Variants in TMTC1 observed in about 807,000 individuals in gnomAD.
TMTC1 encodes the protein transmembrane O-mannosyltransferase targeting cadherins 1, also known as protein O-mannosyl-transferase TMTC1.
TMTC1 carries 73 observed loss-of-function variants against 104.8 expected under a neutral mutation model. That is an observed-to-expected ratio of 0.70 (90% CI 0.58 to 0.85). TMTC1 has a LOEUF of 0.85. TMTC1 is among the 40% of genes least tolerant of loss of function. TMTC1 has a pLI of 0.00. For synonymous variants in TMTC1, 434 were observed against 428.7 expected, an observed-to-expected ratio of 1.01 and a Z score of -0.15; for missense variants, 1,035 against 1,096.1, an observed-to-expected ratio of 0.94 and a Z score of 0.79.
chr12:29,599,906 G>A (rs1339336012), intron 7 of TMTC1, among the ~76,000 whole-genome samples: 3 of 144,128 alleles, frequency 2.1e-5, no homozygotes, highest in African/African-American at 8.4e-5. Flanking sequence ...ATATACATGT[G>A]TATATATATG....
At chr12:29,688,730 T>C (rs183194773) in intron 5 of TMTC1, among the ~76,000 whole-genome samples, 5 of 152,320 alleles carry the variant, frequency 3.3e-5, no homozygotes, top group Admixed American at 2.6e-4. Flanking sequence ...GTGTACCCAT[T>C]TCATAGAGCA....
chr12:29,518,898 G>T, intron 12 of TMTC1, among the ~76,000 whole-genome samples: 1 of 152,060 alleles, frequency 6.6e-6, no homozygotes. Flanking sequence ...TCTGGTCATC[G>T]CTCTTGCTAA....
At chr12:29,665,427 A>C (rs1225017959) in intron 5 of TMTC1, among the ~76,000 whole-genome samples, 1 of 152,132 alleles carries the variant, frequency 6.6e-6, no homozygotes, top group African/African-American at 2.4e-5. Context: ...CACATCCACC[A>C]TCCCAGTATA....
intron 6 of TMTC1, among the ~76,000 whole-genome samples, chr12:29,621,210 A>T (rs1473608169): frequency 1.3e-5 from 2 of 152,226 alleles, no homozygotes; most frequent in African/African-American, 4.8e-5. Context: ...CCCCAAGTTC[A>T]ATTTTATTTT....
In TMTC1 at chr12:29,514,611, A is replaced by G; in HGVS notation, c.2308-7T>C. The G allele has an allele frequency of 6.2e-7, 1 of 1,603,696 alleles. No homozygotes were observed. On this transcript the variant is annotated splice_polypyrimidine_tract_variant and splice_region_variant and intron_variant, in intron 15 of 17. Transcript: ENST00000539277. Reference sequence around the variant, plus strand: ...TGTCTATAGCATCAAGTGCCTGCAGAGGTTGGAAATTAAGACAGAATAAAT... The same window carrying G: ...TGTCTATAGCATCAAGTGCCTGCAGGGGTTGGAAATTAAGACAGAATAAAT...
intron 7 of TMTC1, among the ~76,000 whole-genome samples, chr12:29,589,031 A>G (rs2350532): frequency 0.23 from 35,452 of 152,086 alleles, 4,348 homozygotes; most frequent in East Asian, 0.43. Flanking sequence ...TCTGTTCCTA[A>G]GCAGTTAGCT....
chr12:29,777,556 A>G (rs989066061), intron 1 of TMTC1, among the ~76,000 whole-genome samples: 15 of 152,168 alleles, frequency 9.9e-5, no homozygotes, highest in African/African-American at 1.7e-4. Context: ...AAAAACCCTC[A>G]TGAGTCCAAA....
At chr12:29,763,568 T>C (rs767223526) in intron 2 of TMTC1, among the ~76,000 whole-genome samples, 1 of 152,094 alleles carries the variant, frequency 6.6e-6, no homozygotes, top group African/African-American at 2.4e-5. Flanking sequence ...TAACATCTGG[T>C]GGGGAGTCAA....
chr12:29,730,648 G>A (rs914135564), intron 5 of TMTC1, among the ~76,000 whole-genome samples: 1 of 152,128 alleles, frequency 6.6e-6, no homozygotes, highest in African/African-American at 2.4e-5. Flanking sequence ...CGAGCACTAA[G>A]ACAATTTAAT....
rs185898512 is a variant in TMTC1, at chr12:29,692,547, G to A, written c.938+59119C>T. 1.6e-3 allele frequency among the ~76,000 whole-genome samples: 231 copies of A among 145,274 alleles called. 32 individuals carry two copies. The highest frequency in any genetic ancestry group is 3.0e-3 in the Non-Finnish European group (200 of 66,244). ...AAACTGGAACCTTTATACATTACTG[G>A]TAGGATATGTCAACTGGTACAAGCA... On this transcript the variant is annotated intron_variant, in intron 5 of 17. Coordinates refer to ENST00000539277, the MANE Select transcript of TMTC1 (RefSeq NM_001193451.2).
chr12:29,699,741 C>T (rs1941531009), intron 5 of TMTC1, among the ~76,000 whole-genome samples: 1 of 149,718 alleles, frequency 6.7e-6, no homozygotes, highest in Non-Finnish European at 1.5e-5. Context: ...CAGCATCGAC[C>T]TCCCGGGCTC....
At chr12:29,722,548 A>G (rs369001051) in intron 5 of TMTC1, among the ~76,000 whole-genome samples, 26 of 152,312 alleles carry the variant, frequency 1.7e-4, no homozygotes, top group East Asian at 1.4e-3. Context: ...ATAAAGGTTA[A>G]AAAGAAAGAA....
intron 6 of TMTC1, among the ~76,000 whole-genome samples, chr12:29,621,366 T>C (rs1249238603): frequency 6.6e-6 from 1 of 152,248 alleles, no homozygotes; most frequent in East Asian, 1.9e-4. Context: ...AGCAAGTGTG[T>C]TCAGTTCAAC....
intron 8 of TMTC1, 117 bp from the exon 9 acceptor site, chr12:29,572,335 C>T (rs1286598421): frequency 5.7e-6 from 5 of 872,236 alleles, no homozygotes; most frequent in Middle Eastern, 3.5e-4. Flanking sequence ...TATTCTAAAA[C>T]AAGGCATTGT....
intron 5 of TMTC1, among the ~76,000 whole-genome samples, chr12:29,683,346 A>G (rs989519079): frequency 2.0e-5 from 3 of 152,234 alleles, no homozygotes; most frequent in Admixed American, 1.3e-4. Flanking sequence ...CTCTTCCCAA[A>G]AAAGCATCTA....
chr12:29,655,096 T>C (rs1939695176), intron 5 of TMTC1, among the ~76,000 whole-genome samples: 1 of 152,086 alleles, frequency 6.6e-6, no homozygotes, highest in Non-Finnish European at 1.5e-5. Context: ...GTTGGCAGGA[T>C]GGTCTCCATC....
chr12:29,707,467 C>T (rs1451997598), intron 5 of TMTC1, among the ~76,000 whole-genome samples: 4 of 152,168 alleles, frequency 2.6e-5, no homozygotes, highest in African/African-American at 7.2e-5. Flanking sequence ...CCAGGCATCG[C>T]GTCCTCTACT....
rs1353362315 is a variant in TMTC1 at position 29,718,521 on chromosome 12, AG to A, written c.938+33144del. On this transcript the variant is annotated intron_variant, in intron 5 of 17. Transcript: ENST00000539277. ...AGCAGAACTCCAAATAGCCCTGGTA[AG>A]GCTGTAAGATCTCAACAGGGATTTC... Among the ~76,000 whole-genome samples, 9 of 152,306 alleles carry A rather than the reference AG, an allele frequency of 5.9e-5. No homozygotes were observed. The South Asian group carries it at 1.4e-3, about 25-fold the overall frequency.
chr12:29,628,286 G>T (rs762118519), intron 6 of TMTC1, among the ~76,000 whole-genome samples: 3 of 152,082 alleles, frequency 2.0e-5, no homozygotes, highest in Non-Finnish European at 2.9e-5. Context: ...ATATTATTCA[G>T]CCATGAAAAG....
Sources: gnomAD v4.1 joint callset for allele counts (sites outside exome capture counted in the v4.1 genomes callset) on GRCh38, gnomAD v4.1.1 for gene constraint, MANE v1.5 for transcripts, NCBI Gene and HGNC (gene_info 2026-07-23, HGNC 2026-07-21) for gene names.